The following SH3GLB1 variants were observed in gnomAD, a reference collection of about 807,000 sequenced individuals.
The protein encoded by SH3GLB1 is SH3 domain containing GRB2 like, endophilin B1.
SH3GLB1 carries 17 observed loss-of-function variants against 42.0 expected under a neutral mutation model. That is an observed-to-expected ratio of 0.40 (90% CI 0.28 to 0.61). The LOEUF (loss-of-function observed/expected upper bound fraction) is 0.61. Among genes scored for constraint, SH3GLB1 ranks in the 20% least tolerant of loss-of-function variants. The probability of loss-of-function intolerance (pLI) is 0.36; values close to 1 mark genes in which losing one functional copy is unlikely to be tolerated. For missense variants in SH3GLB1, 355 were observed against 426.3 expected (o/e 0.83, Z 1.47); for synonymous variants, 132 against 146.6 (o/e 0.90, Z 0.72).
intron 5 of SH3GLB1, among the ~76,000 whole-genome samples, chr1:86,725,098 C>T (rs1005170532): frequency 3.4e-5 from 5 of 149,134 alleles, no homozygotes; most frequent in Non-Finnish European, 7.4e-5. Context: ...CGTCAGTGGT[C>T]GCAAATATTT....
intron 5 of SH3GLB1, among the ~76,000 whole-genome samples, chr1:86,726,812 T>C (rs971898543): frequency 1.9e-4 from 29 of 151,988 alleles, no homozygotes; most frequent in African/African-American, 6.5e-4. Flanking sequence ...GATCCTTTTT[T>C]TCCCCCCTGT....
rs191814841 is a variant in SH3GLB1, at chr1:86,742,142, C to T, written c.762-66C>T. ...GTTGGTAGAAAGTAAACAGCGCCAC[C>T]GAGTGGTGGTATTAAGGAGCTTTAG... On this transcript the variant is annotated intron_variant, in intron 7 of 8. Coordinates refer to ENST00000370558, the MANE Select transcript of SH3GLB1 (RefSeq NM_016009.5). The T allele has an allele frequency of 1.9e-5, 22 of 1,169,536 alleles. 2 individuals carry two copies. The highest frequency in any genetic ancestry group is 1.7e-4 in the East Asian group (7 of 42,000). 72.4% of individuals were successfully genotyped at this position (1,169,536 alleles called of 1,614,324 possible). A position where few individuals can be genotyped will look rare whatever the true frequency, so the allele number is the denominator to read the frequency against.
intron 5 of SH3GLB1, among the ~76,000 whole-genome samples, chr1:86,725,008 A>C (rs1655118218): frequency 6.8e-6 from 1 of 147,946 alleles, no homozygotes; most frequent in Non-Finnish European, 1.5e-5. Flanking sequence ...ATACACACAC[A>C]CACGTGATAT....
chr1:86,724,913 A>ATAT (rs1553208269), intron 5 of SH3GLB1, among the ~76,000 whole-genome samples: 2 of 122,458 alleles, frequency 1.6e-5, no homozygotes, highest in African/African-American at 3.8e-5. Flanking sequence ...ATATATATAT[A>ATAT]AAATATATAA....
rs749784815 is a variant in SH3GLB1, at chr1:86,745,081, T to C, written c.*1846T>C. ...ACTTCAGATCGACTTAAACAGCAAC[T>C]ATGAATTAGGTTTATGGGAAATGTA... On this transcript the variant is annotated 3_prime_UTR_variant, in exon 9 of 9. Coordinates refer to ENST00000370558, the MANE Select transcript of SH3GLB1 (RefSeq NM_016009.5). 6.6e-6 allele frequency: 1 copy of C among 152,222 alleles called. No individual in the cohort carries two copies. The highest frequency in any genetic ancestry group is 1.5e-5 in the Non-Finnish European group (1 of 68,038). 9.4% of individuals were successfully genotyped at this position (152,222 alleles called of 1,614,324 possible).
intron 4 of SH3GLB1, 33 bp from the exon 5 acceptor site, chr1:86,724,280 T>G (rs1655033649): frequency 6.9e-7 from 1 of 1,459,132 alleles, no homozygotes; most frequent in South Asian, 1.3e-5. Flanking sequence ...TTTAGCATCT[T>G]TAGCCCTTAT....
At position 86,744,452 on chromosome 1, in the gene SH3GLB1, T is replaced by C. The variant is rs1238220471; in HGVS notation, c.*1217T>C. 3 of 152,168 alleles carry C rather than the reference T, an allele frequency of 2.0e-5. No individual in the cohort carries two copies. The highest frequency in any genetic ancestry group is 1.9e-4 in the East Asian group (1 of 5,198). 9.4% of individuals were successfully genotyped at this position (152,168 alleles called of 1,614,324 possible). A position where few individuals can be genotyped will look rare whatever the true frequency, so the allele number is the denominator to read the frequency against. ...TACAGAAAATTAAGCAATTATCCTA[T>C]AGTAGGATTCGTGGTGTGATGGGGA... On this transcript the variant is annotated 3_prime_UTR_variant, in exon 9 of 9. Coordinates refer to ENST00000370558, the MANE Select transcript of SH3GLB1 (RefSeq NM_016009.5).
chr1:86,717,874 T>A (rs943710206), intron 2 of SH3GLB1, among the ~76,000 whole-genome samples: 13 of 152,298 alleles, frequency 8.5e-5, no homozygotes, highest in African/African-American at 2.4e-4. Flanking sequence ...TGTAGCAGAG[T>A]TGCCTGCATA....
At chr1:86,739,121 T>C (rs1420165312) in intron 7 of SH3GLB1, among the ~76,000 whole-genome samples, 2 of 152,228 alleles carry the variant, frequency 1.3e-5, no homozygotes, top group African/African-American at 2.4e-5. Flanking sequence ...AGTGGAGGTA[T>C]CCAATTTTAG....
At chr1:86,719,920 T>C (rs1654769431) in intron 3 of SH3GLB1, among the ~76,000 whole-genome samples, 2 of 149,360 alleles carry the variant, frequency 1.3e-5, no homozygotes, top group South Asian at 2.1e-4. Context: ...GGCGTGAACC[T>C]TGGACGTGGA....
At chr1:86,724,914 A>ATAT (rs1558315388) in intron 5 of SH3GLB1, among the ~76,000 whole-genome samples, 2 of 119,960 alleles carry the variant, frequency 1.7e-5, no homozygotes, top group East Asian at 2.2e-4. Flanking sequence ...TATATATATA[A>ATAT]AATATATAAT....
At chr1:86,739,293 C>A (rs988966535) in intron 7 of SH3GLB1, among the ~76,000 whole-genome samples, 4 of 152,042 alleles carry the variant, frequency 2.6e-5, no homozygotes, top group African/African-American at 9.7e-5. Context: ...AGTACTCTAG[C>A]ATAGAGAGTT....
chr1:86,719,913 G>A (rs994308856), intron 3 of SH3GLB1, among the ~76,000 whole-genome samples: 6 of 148,210 alleles, frequency 4.0e-5, no homozygotes, highest in East Asian at 2.0e-4. Flanking sequence ...GGAGAATGGC[G>A]TGAACCTTGG....
intron 7 of SH3GLB1, among the ~76,000 whole-genome samples, chr1:86,741,538 AT>A (rs975973275): frequency 6.6e-6 from 1 of 152,202 alleles, no homozygotes; most frequent in African/African-American, 2.4e-5. Flanking sequence ...AACTTGTAAA[AT>A]TTGTCCTATT....
chr1:86,734,356 A>T, intron 5 of SH3GLB1: 1 of 354,294 alleles, frequency 2.8e-6, no homozygotes. Flanking sequence ...TTAAGAGTGT[A>T]TCATTAAGCT....
Position 86,742,098 on chromosome 1 carries a change from A to T in SH3GLB1, c.762-110A>T, listed in dbSNP as rs1025511780. 85 of 710,978 alleles carry T rather than the reference A, an allele frequency of 1.2e-4. 2 individuals are homozygous for T. In the South Asian group the frequency reaches 1.5e-3, roughly 12 times the overall value. The allele number at this position is 710,978 out of a possible 1,614,324, so 44.0% of individuals were successfully genotyped here. ...CATTAACGTATTATTAATATCTATA[A>T]ATCTTTTCCAATGTGAAGGTTGGTA... On this transcript the variant is annotated intron_variant, in intron 7 of 8. Transcript: ENST00000370558.
Position 86,743,975 on chromosome 1 carries a change from G to A in SH3GLB1, c.*740G>A, listed in dbSNP as rs263476. 0.35 allele frequency: 52,776 copies of A among 152,438 alleles called. 12,524 individuals carry two copies. The highest frequency in any genetic ancestry group is 0.68 in the African/African-American group (28,367 of 41,472). The allele number at this position is 152,438 out of a possible 1,614,324, so 9.4% of individuals were successfully genotyped here. On this transcript the variant is annotated 3_prime_UTR_variant, in exon 9 of 9. Transcript: ENST00000370558. ...AACATAAAGTTTTTAAGATTATTCAGTTGGCACAATTTAATGCATAATTGG... is the reference window on the plus strand; with the variant it reads ...AACATAAAGTTTTTAAGATTATTCAATTGGCACAATTTAATGCATAATTGG...
chr1:86,729,930 T>A (rs1296575561), intron 5 of SH3GLB1, among the ~76,000 whole-genome samples: 1 of 152,150 alleles, frequency 6.6e-6, no homozygotes, highest in Non-Finnish European at 1.5e-5. Flanking sequence ...TATGTTAAGC[T>A]GTACCGATTT....
At chr1:86,729,838 TC>T (rs370257518) in intron 5 of SH3GLB1, among the ~76,000 whole-genome samples, 12 of 152,130 alleles carry the variant, frequency 7.9e-5, no homozygotes, top group African/African-American at 2.9e-4. Flanking sequence ...GGTTAGGTGT[TC>T]TCAATTTGGG....
Sources: allele counts gnomAD v4.1 joint callset (sites outside exome capture counted in the v4.1 genomes callset), GRCh38; gene constraint gnomAD v4.1.1; transcripts MANE v1.5; gene names NCBI Gene and HGNC (gene_info 2026-07-23, HGNC 2026-07-21).